The following EIF3H variants were observed in gnomAD, a reference collection of about 807,000 sequenced individuals.
EIF3H encodes the protein eukaryotic translation initiation factor 3 subunit H, also known as eIF-3-gamma.
Under a neutral mutation model 44.2 loss-of-function variants are expected in EIF3H, and 26 were observed. The ratio of observed to expected loss-of-function variants is 0.59; its 90% CI spans 0.43 to 0.82. The LOEUF (loss-of-function observed/expected upper bound fraction) is 0.82, where lower values mean the gene tolerates loss of function less well. EIF3H is among the 40% of genes least tolerant of loss of function. The probability of loss-of-function intolerance (pLI) is 0.00; values close to 1 mark genes in which losing one functional copy is unlikely to be tolerated. For synonymous variants in EIF3H, 166 were observed against 151.9 expected (o/e 1.09, Z -0.68); for missense variants, 359 against 432.8 (o/e 0.83, Z 1.51).
intron 5 of EIF3H, among the ~76,000 whole-genome samples, chr8:116,653,416 G>A (rs1348808863): frequency 6.7e-6 from 1 of 148,672 alleles, no homozygotes; most frequent in Admixed American, 6.9e-5. Context: ...AATTAACAAT[G>A]ACAGAAAATC....
At chr8:116,738,711 G>C (rs566387964) in intron 1 of EIF3H, among the ~76,000 whole-genome samples, 1 of 152,308 alleles carries the variant, frequency 6.6e-6, no homozygotes, top group Non-Finnish European at 1.5e-5. Flanking sequence ...ATTAGGGACG[G>C]AAGTAATTTT....
intron 1 of EIF3H, among the ~76,000 whole-genome samples, chr8:116,729,680 A>C (rs557367278): frequency 2.0e-5 from 3 of 152,352 alleles, no homozygotes; most frequent in Admixed American, 6.5e-5. Flanking sequence ...AGTATGAGTA[A>C]GAATCCACAG....
chr8:116,719,221 T>A (rs1266199778), intron 2 of EIF3H, among the ~76,000 whole-genome samples: 1 of 152,210 alleles, frequency 6.6e-6, no homozygotes, highest in Non-Finnish European at 1.5e-5. Context: ...GGGTGAAATA[T>A]CAACTGCATA....
At chr8:116,758,078 C>T (rs770901762), upstream of EIF3H, among the ~76,000 whole-genome samples, 1 of 152,096 alleles carries the variant, frequency 6.6e-6, no homozygotes, top group South Asian at 2.1e-4. Context: ...AATGAATAAA[C>T]GGATAAAAAC....
chr8:116,731,233 A>G (rs2130936630), intron 1 of EIF3H, among the ~76,000 whole-genome samples: 1 of 152,288 alleles, frequency 6.6e-6, no homozygotes, highest in South Asian at 2.1e-4. Context: ...TTTTAGATAA[A>G]TGAAGAGGGG....
intron 1 of EIF3H, among the ~76,000 whole-genome samples, chr8:116,743,835 CACAT>C (rs1325997044): frequency 3.3e-4 from 37 of 110,962 alleles, no homozygotes; most frequent in African/African-American, 1.0e-3. Flanking sequence ...CACACACACA[CACAT>C]ATATAAATAA....
intron 6 of EIF3H, 146 bp downstream of exon 6, chr8:116,648,660 T>G: frequency 9.7e-7 from 1 of 1,032,600 alleles, no homozygotes; most frequent in Non-Finnish European, 1.3e-6. Context: ...AAACATGCCA[T>G]AAAAATAATA....
intron 2 of EIF3H, among the ~76,000 whole-genome samples, chr8:116,689,568 C>T (rs1055077653): frequency 6.6e-6 from 1 of 152,070 alleles, no homozygotes; most frequent in Non-Finnish European, 1.5e-5. Context: ...TAAAAAGCAT[C>T]CATGAGCAGA....
chr8:116,704,696 A>T lies in EIF3H; in HGVS notation c.289+21320T>A, dbSNP rs564264329. Among the ~76,000 whole-genome samples, 26 of 152,358 alleles carry T rather than the reference A, an allele frequency of 1.7e-4. No homozygotes were observed. The South Asian group carries it at 3.7e-3, about 22-fold the overall frequency. ...AACAACTGCATAAAAGGGAAAACAA[A>T]GGAATAGCCCTAAAATTTTACTGTT... On this transcript the variant is annotated intron_variant, in intron 2 of 7. Coordinates refer to ENST00000521861, the MANE Select transcript of EIF3H (RefSeq NM_003756.3).
At chr8:116,754,114 C>A (rs1160029578) in intron 1 of EIF3H, among the ~76,000 whole-genome samples, 1 of 151,912 alleles carries the variant, frequency 6.6e-6, no homozygotes, top group Non-Finnish European at 1.5e-5. Context: ...GATAGTACTC[C>A]ATTTTCTTTT....
intron 1 of EIF3H, among the ~76,000 whole-genome samples, chr8:116,735,719 G>A (rs1406936919): frequency 6.6e-6 from 1 of 152,014 alleles, no homozygotes; most frequent in African/African-American, 2.4e-5. Flanking sequence ...GGATCATCGT[G>A]GGGAATCTGC....
At chr8:116,715,434 T>C (rs1414392734) in intron 2 of EIF3H, among the ~76,000 whole-genome samples, 5 of 152,096 alleles carry the variant, frequency 3.3e-5, no homozygotes, top group Non-Finnish European at 5.9e-5. Context: ...ATGAATACTG[T>C]CTGAGTAAAA....
intron 1 of EIF3H, among the ~76,000 whole-genome samples, chr8:116,728,288 T>C (rs1814886450): frequency 6.5e-5 from 2 of 30,556 alleles, no homozygotes; most frequent in African/African-American, 2.9e-4. Flanking sequence ...AAAGGTACTG[T>C]TAATACTCAT....
At chr8:116,746,605 C>CACT (rs1563660829) in intron 1 of EIF3H, among the ~76,000 whole-genome samples, 2 of 152,040 alleles carry the variant, frequency 1.3e-5, no homozygotes, top group African/African-American at 4.8e-5. Flanking sequence ...GAAAAGCCAC[C>CACT]CAGCTTCTTG....
chr8:116,682,274 A>C (rs1228317260), intron 2 of EIF3H, among the ~76,000 whole-genome samples: 1 of 152,238 alleles, frequency 6.6e-6, no homozygotes, highest in Admixed American at 6.5e-5. Flanking sequence ...TCGGGGCAAT[A>C]CATAGAGGTC....
intron 1 of EIF3H, among the ~76,000 whole-genome samples, chr8:116,733,124 A>G (rs1814979248): frequency 6.6e-6 from 1 of 152,202 alleles, no homozygotes. Context: ...GAATCCAGAG[A>G]AACACTTTAC....
At chr8:116,751,469 AAAAC>A (rs1317150500) in intron 1 of EIF3H, among the ~76,000 whole-genome samples, 3 of 152,192 alleles carry the variant, frequency 2.0e-5, no homozygotes, top group Non-Finnish European at 2.9e-5. Context: ...AACAAAGAAG[AAAAC>A]AAACAAGATA....
chr8:116,700,101 C>T (rs1476408715), intron 2 of EIF3H, among the ~76,000 whole-genome samples: 1 of 152,154 alleles, frequency 6.6e-6, no homozygotes, highest in African/African-American at 2.4e-5. Flanking sequence ...CCACCGTGCC[C>T]GGCCGTAGGT....
chr8:116,758,816 T>C (rs1815486086), upstream of EIF3H, among the ~76,000 whole-genome samples: 1 of 152,084 alleles, frequency 6.6e-6, no homozygotes, highest in African/African-American at 2.4e-5. Context: ...TACACACAAA[T>C]TGAACTAGAT....
Sources: allele counts gnomAD v4.1 joint callset (sites outside exome capture counted in the v4.1 genomes callset), GRCh38; gene constraint gnomAD v4.1.1; transcripts MANE v1.5; gene names NCBI Gene and HGNC (gene_info 2026-07-23, HGNC 2026-07-21).